The following FTCDNL1 variants were observed in gnomAD, a reference collection of about 807,000 sequenced individuals.
FTCDNL1 encodes formiminotransferase N-terminal subdomain-containing protein.
In FTCDNL1, 11 loss-of-function variants were observed where a neutral mutation model predicts 5.9. That is an observed-to-expected ratio of 1.87 (90% CI 1.18 to 3.10). The LOEUF (loss-of-function observed/expected upper bound fraction) is 3.10. Among genes scored for constraint, FTCDNL1 ranks in the 30% most tolerant of loss-of-function variants. The probability of loss-of-function intolerance (pLI) is 0.00; values close to 1 mark genes in which losing one functional copy is unlikely to be tolerated. For synonymous variants in FTCDNL1, 58 were observed against 24.8 expected (o/e 2.34, Z -3.99); for missense variants, 115 against 65.5 (o/e 1.76, Z -2.61).
At chr2:199,816,005 A>AG (rs1701330136) in intron 4 of FTCDNL1, among the ~76,000 whole-genome samples, 1 of 117,932 alleles carries the variant, frequency 8.5e-6, no homozygotes, top group Non-Finnish European at 1.9e-5. Flanking sequence ...ATCTCAAAAA[A>AG]AAAAGAAAGA....
the FTCDNL1 span, among the ~76,000 whole-genome samples, chr2:199,733,981 G>T: frequency 6.6e-6 from 1 of 150,960 alleles, no homozygotes; most frequent in African/African-American, 2.4e-5. Context: ...AAAATAGTTT[G>T]AGAGGTGCCA....
At chr2:199,750,355 CTAAA>C in the FTCDNL1 span, among the ~76,000 whole-genome samples, 122,706 of 148,618 alleles carry the variant, frequency 0.83, 52,136 homozygotes, top group East Asian at 0.98. Flanking sequence ...GAAATGTTGT[CTAAA>C]TAAATAAATA....
chr2:199,806,480 G>A (rs936966438), downstream of FTCDNL1, among the ~76,000 whole-genome samples: 6 of 152,206 alleles, frequency 3.9e-5, no homozygotes, highest in African/African-American at 1.4e-4. Context: ...AAACAAAACT[G>A]TATATCAAGC....
rs891034403 is a variant in FTCDNL1, at chr2:199,790,216, G to A, written c.212-29381C>T. On this transcript the variant is annotated intron_variant, in intron 3 of 3. Transcript: ENST00000416668. ...CAGTGGCTATAAGAAAAAAAAATGC[G>A]GCTGGGCGCGGTGACTCATGCCTGT... is the stretch of plus-strand genomic sequence containing the variant. 7.9e-5 allele frequency among the ~76,000 whole-genome samples: 12 copies of A among 151,994 alleles called. No homozygotes were observed. The East Asian group carries it at 9.6e-4, about 12-fold the overall frequency.
chr2:199,676,674 T>G, the FTCDNL1 span, among the ~76,000 whole-genome samples: 2 of 152,140 alleles, frequency 1.3e-5, no homozygotes, highest in African/African-American at 4.8e-5. Flanking sequence ...GTTGATGTTC[T>G]TAAGCAAATG....
At chr2:199,709,308 C>T in the FTCDNL1 span, among the ~76,000 whole-genome samples, 2 of 152,136 alleles carry the variant, frequency 1.3e-5, no homozygotes, top group Non-Finnish European at 2.9e-5. Context: ...ACAAGTGTTT[C>T]TCCCAAACTT....
At chr2:199,755,612 T>C (rs1289718202), downstream of FTCDNL1, among the ~76,000 whole-genome samples, 1 of 152,232 alleles carries the variant, frequency 6.6e-6, no homozygotes, top group Non-Finnish European at 1.5e-5. Flanking sequence ...AGTATCTTAA[T>C]ACGTGCATGG....
intron 3 of FTCDNL1, among the ~76,000 whole-genome samples, chr2:199,766,037 C>A (rs1033411893): frequency 6.6e-6 from 1 of 152,144 alleles, no homozygotes; most frequent in African/African-American, 2.4e-5. Flanking sequence ...TCAAGCTTCA[C>A]TATCTTTGCT....
the FTCDNL1 span, among the ~76,000 whole-genome samples, chr2:199,684,652 C>G: frequency 6.6e-6 from 1 of 152,168 alleles, no homozygotes; most frequent in South Asian, 2.1e-4. Flanking sequence ...GGATCAATTA[C>G]ACACAACATT....
At chr2:199,735,115 G>GAAAA in the FTCDNL1 span, among the ~76,000 whole-genome samples, 520 of 81,572 alleles carry the variant, frequency 6.4e-3, 11 homozygotes, top group African/African-American at 0.023. Flanking sequence ...ACTACCTTTA[G>GAAAA]AAAAAAAAAA....
the FTCDNL1 span, among the ~76,000 whole-genome samples, chr2:199,723,014 G>A: frequency 2.6e-5 from 4 of 151,778 alleles, no homozygotes; most frequent in Non-Finnish European, 5.9e-5. Flanking sequence ...TTGTTACATA[G>A]GTAAATGTGT....
chr2:199,673,005 G>A, the FTCDNL1 span, among the ~76,000 whole-genome samples: 2 of 152,060 alleles, frequency 1.3e-5, no homozygotes, highest in African/African-American at 4.8e-5. Flanking sequence ...GAGAAAGTCA[G>A]GGAGACGTGA....
At chr2:199,824,741 C>T (rs1246845393) in intron 3 of FTCDNL1, among the ~76,000 whole-genome samples, 2 of 152,132 alleles carry the variant, frequency 1.3e-5, no homozygotes, top group African/African-American at 2.4e-5. Context: ...AACAGCCAGT[C>T]GATGAAGCAG....
At chr2:199,770,121 T>C (rs763076086) in intron 3 of FTCDNL1, among the ~76,000 whole-genome samples, 11 of 152,188 alleles carry the variant, frequency 7.2e-5, no homozygotes, top group Non-Finnish European at 1.3e-4. Context: ...ACCAGTACAG[T>C]TGATAACTTT....
the FTCDNL1 span, among the ~76,000 whole-genome samples, chr2:199,743,393 C>A: frequency 1.3e-5 from 2 of 152,222 alleles, no homozygotes; most frequent in African/African-American, 4.8e-5. Flanking sequence ...CTCTTGTATT[C>A]TTTTCTTGAA....
At position 199,809,356 on chromosome 2, in the gene FTCDNL1, G is replaced by T. The variant is rs1016060788; in HGVS notation, c.*3349C>A. ...TCCTCCTACCTTGGCCTCCCAAAGT[G>T]CTGGGATTACAGGAATGAGCCACCA... is the stretch of plus-strand genomic sequence containing the variant. On this transcript the variant is annotated 3_prime_UTR_variant, in exon 5 of 5. Transcript: ENST00000420128. Among the ~76,000 whole-genome samples, 1 of 151,402 alleles carries T rather than the reference G, an allele frequency of 6.6e-6. No homozygotes were observed. Among genetic ancestry groups the T allele is most frequent in the Admixed American group, 6.6e-5 (1 of 15,192 alleles).
At chr2:199,731,795 G>A in the FTCDNL1 span, among the ~76,000 whole-genome samples, 1 of 151,518 alleles carries the variant, frequency 6.6e-6, no homozygotes, top group African/African-American at 2.4e-5. Flanking sequence ...GGCTGAGGCA[G>A]GAGAATGGCG....
intron 3 of FTCDNL1, among the ~76,000 whole-genome samples, chr2:199,791,983 T>A (rs1404013050): frequency 6.6e-6 from 1 of 152,124 alleles, no homozygotes; most frequent in East Asian, 1.9e-4. Context: ...AGCTACGTTA[T>A]CCCCTTTAGA....
At chr2:199,820,545 C>T (rs1456056211) in intron 3 of FTCDNL1, among the ~76,000 whole-genome samples, 1 of 152,210 alleles carries the variant, frequency 6.6e-6, no homozygotes, top group African/African-American at 2.4e-5. Flanking sequence ...GGTCTCCATA[C>T]TGGACAGCAC....
Sources: gnomAD v4.1 joint callset for allele counts (sites outside exome capture counted in the v4.1 genomes callset) on GRCh38, gnomAD v4.1.1 for gene constraint, MANE v1.5 for transcripts, NCBI Gene and HGNC (gene_info 2026-07-23, HGNC 2026-07-21) for gene names.